Variants in UNC80 observed in about 807,000 individuals in gnomAD.
UNC80 encodes protein unc-80 homolog.
UNC80 carries 164 observed loss-of-function variants against 384.6 expected under a neutral mutation model. The ratio of observed to expected loss-of-function variants is 0.43; its 90% CI spans 0.38 to 0.49. The LOEUF (loss-of-function observed/expected upper bound fraction) is 0.49. Ranked by LOEUF, UNC80 falls within the 20% of genes least tolerant of loss-of-function variation. UNC80 has a pLI of 0.00. For synonymous variants in UNC80, 1,486 were observed against 1,527.8 expected, an observed-to-expected ratio of 0.97 and a Z score of 0.64; for missense variants, 3,330 against 4,143.0, an observed-to-expected ratio of 0.80 and a Z score of 5.39.
intron 45 of UNC80, among the ~76,000 whole-genome samples, chr2:209,944,797 A>G (rs1048307382): frequency 1.2e-4 from 18 of 152,208 alleles, no homozygotes; most frequent in Admixed American, 3.9e-4. Context: ...GGAAGTTCAT[A>G]TATCGCTGTA....
rs927709128 is a variant in UNC80, at chr2:209,918,621, G to C, written c.5301G>C (p.Gln1767His). ...VPMFDPPWVP[Q>H]CSGSVQDPIN... ...TGTTTGACCCACCGTGGGTTCCTCAGTGCAGCGGGAGTGTCCAGGACCCCA... is the reference window on the plus strand; with the variant it reads ...TGTTTGACCCACCGTGGGTTCCTCACTGCAGCGGGAGTGTCCAGGACCCCA... The change falls in exon 33 of 65, where the codon CAG becomes CAC. Residue 1767 changes from glutamine to histidine, a missense_variant. Transcript: ENST00000673920. 6.4e-7 allele frequency: 1 copy of C among 1,551,874 alleles called. No individual in the cohort carries two copies.
In UNC80 at chr2:209,819,011, C is replaced by T; in HGVS notation, c.1712C>T (p.Thr571Ile). ...TTATTAGTGCGATCTCAGATCTCCA[C>T]CATCACAGTTGCGACCTTCAATACC... ...TVKEVRSQIS[T>I]ITVATFNTTL... Residue 571 changes from threonine (T) to isoleucine (I), a missense_variant, in exon 12 of 65, where the codon ACC (threonine) becomes ATC (isoleucine). Thr to Ile is a moderately conservative substitution (Grantham distance 89, BLOSUM62 -1). Coordinates refer to ENST00000673920, the MANE Select transcript of UNC80 (RefSeq NM_001371986.1). The T allele has an allele frequency of 6.4e-7, 1 of 1,551,610 alleles. No individual in the cohort carries two copies. The highest frequency in any genetic ancestry group is 1.4e-5 in the African/African-American group (1 of 73,146).
chr2:209,812,118 C>T (rs1370111516), intron 7 of UNC80, among the ~76,000 whole-genome samples: 3 of 152,218 alleles, frequency 2.0e-5, no homozygotes, highest in East Asian at 1.9e-4. Flanking sequence ...GGCGCTATCT[C>T]GGCTCACTGC....
At position 209,973,188 on chromosome 2, in the gene UNC80, C is replaced by T. The variant is rs1319644913; in HGVS notation, c.8505C>T (p.Ala2835=). 1.3e-6 allele frequency: 2 copies of T among 1,551,568 alleles called. No individual in the cohort carries two copies. The highest frequency in any genetic ancestry group is 4.9e-5 in the East Asian group (2 of 40,922). ...SKNFMLESSP[A]HCSTPGDAGK... is the part of the protein sequence containing the mutation. ...ACTTCATGTTAGAGAGCTCCCCAGC[C>T]CACTGCTCCACCCCTGGGGATGCGG... The change falls in exon 56 of 65, where the codon GCC becomes GCT. Residue 2835 remains alanine (A), a synonymous_variant. Transcript: ENST00000673920.
intron 26 of UNC80, among the ~76,000 whole-genome samples, chr2:209,891,057 T>C (rs2086279412): frequency 6.6e-6 from 1 of 152,176 alleles, no homozygotes; most frequent in African/African-American, 2.4e-5. Flanking sequence ...AAGTATTTTC[T>C]AGCATCCTAT....
chr2:209,855,459 T>TATAAA (rs892569756), intron 22 of UNC80, among the ~76,000 whole-genome samples: 4 of 152,058 alleles, frequency 2.6e-5, no homozygotes, highest in Non-Finnish European at 5.9e-5. Flanking sequence ...CCCAAGAACT[T>TATAAA]ATAAAATAAA....
intron 29 of UNC80, among the ~76,000 whole-genome samples, chr2:209,911,058 C>T (rs774015779): frequency 1.8e-4 from 28 of 152,078 alleles, no homozygotes; most frequent in Non-Finnish European, 4.0e-4. Context: ...ACTCACAGTT[C>T]CTCAAGGCTA....
At chr2:209,964,103 G>A (rs1163284182) in intron 51 of UNC80, among the ~76,000 whole-genome samples, 1 of 152,182 alleles carries the variant, frequency 6.6e-6, no homozygotes, top group African/African-American at 2.4e-5. Context: ...TTACCCTCTA[G>A]ATCCTTTCAA....
At chr2:209,973,689 C>T (rs2092939486) in intron 56 of UNC80, among the ~76,000 whole-genome samples, 1 of 152,182 alleles carries the variant, frequency 6.6e-6, no homozygotes, top group African/African-American at 2.4e-5. Context: ...AAGATCTAAA[C>T]TCAGTCTAGT....
chr2:209,827,843 A>T (rs2080655222), intron 14 of UNC80, among the ~76,000 whole-genome samples: 1 of 152,202 alleles, frequency 6.6e-6, no homozygotes, highest in African/African-American at 2.4e-5. Flanking sequence ...GATATTTGTC[A>T]AACTGCCCAG....
Position 209,793,146 on chromosome 2 carries a change from G to C in UNC80, c.799-574G>C, listed in dbSNP as rs1006472761. 1.4e-4 allele frequency among the ~76,000 whole-genome samples: 22 copies of C among 152,298 alleles called. No individual in the cohort carries two copies. In the East Asian group the frequency reaches 4.0e-3, roughly 28 times the overall value. On this transcript the variant is annotated intron_variant, in intron 6 of 64. Coordinates refer to ENST00000673920, the MANE Select transcript of UNC80 (RefSeq NM_001371986.1). ...AAAAATATCTCACATCACCTGGGCA[G>C]AATTACATTTATCAGCTAAATGTAA...
intron 45 of UNC80, among the ~76,000 whole-genome samples, chr2:209,944,517 C>A (rs879550500): frequency 1.3e-5 from 2 of 152,020 alleles, no homozygotes; most frequent in South Asian, 4.1e-4. Flanking sequence ...TTTCTATAAC[C>A]TCAGTGTGTA....
chr2:209,804,734 C>G (rs1189401525), intron 7 of UNC80, among the ~76,000 whole-genome samples: 1 of 150,122 alleles, frequency 6.7e-6, no homozygotes, highest in African/African-American at 2.4e-5. Context: ...ATCACACTCT[C>G]AACATTTAAT....
intron 7 of UNC80, 68 bp from the exon 8 acceptor site, chr2:209,813,512 G>C: frequency 1.4e-6 from 2 of 1,462,170 alleles, no homozygotes; most frequent in Non-Finnish European, 1.8e-6. Flanking sequence ...AGAGCTATAA[G>C]CCATGCTGTG....
chr2:209,930,016 T>C (rs2124964320), intron 37 of UNC80, 45 bp downstream of exon 37: 1 of 1,334,828 alleles, frequency 7.5e-7, no homozygotes, highest in East Asian at 2.6e-5. Context: ...GCTACAAGTG[T>C]GAACACTGTT....
rs554952082 is a variant in UNC80, at chr2:209,928,207, G to A, written c.5806+1221G>A. On this transcript the variant is annotated intron_variant, in intron 36 of 64. Transcript: ENST00000673920. ...AAAAATTAGCCAGGCGTGGTGGCAC[G>A]TGCCTGTAATCCCAGCTACTCATGA... 3.4e-4 allele frequency among the ~76,000 whole-genome samples: 52 copies of A among 152,076 alleles called. 1 individual carries two copies. In the South Asian group the frequency reaches 6.7e-3, roughly 19 times the overall value.
chr2:209,923,834 C>T (rs1156393359), intron 35 of UNC80, among the ~76,000 whole-genome samples: 1 of 152,036 alleles, frequency 6.6e-6, no homozygotes, highest in Non-Finnish European at 1.5e-5. Flanking sequence ...TTAAACATAA[C>T]AGTTGATTCA....
Position 209,913,316 on chromosome 2 carries a change from T to C in UNC80, c.4891-486T>C, listed in dbSNP as rs185788260. 6.6e-5 allele frequency among the ~76,000 whole-genome samples: 10 copies of C among 152,358 alleles called. No homozygotes were observed. In the East Asian group the frequency reaches 1.9e-3, roughly 29 times the overall value. ...TGTCAGAAATAATGGATAAAGGATT[T>C]TGTGGTTTAATCTGGGGCAATAACC... On this transcript the variant is annotated intron_variant, in intron 30 of 64. Coordinates refer to ENST00000673920, the MANE Select transcript of UNC80 (RefSeq NM_001371986.1).
chr2:209,771,940 T>C lies in UNC80; in HGVS notation c.-133T>C. 1.5e-6 allele frequency: 1 copy of C among 668,908 alleles called. No individual in the cohort carries two copies. Among genetic ancestry groups the C allele is most frequent in the Non-Finnish European group, 2.8e-6 (1 of 363,534 alleles). 41.4% of individuals were successfully genotyped at this position (668,908 alleles called of 1,614,324 possible). A position where few individuals can be genotyped will look rare whatever the true frequency, so the allele number is the denominator to read the frequency against. On this transcript the variant is annotated 5_prime_UTR_variant, in exon 1 of 65. Transcript: ENST00000673920. ...GGGGGGAGGGGAGAGGCACGGGGGA[T>C]CAGGGCGGAGAGAGCCGGCTCTGCC...
Sources: allele counts gnomAD v4.1 joint callset (sites outside exome capture counted in the v4.1 genomes callset), GRCh38; gene constraint gnomAD v4.1.1; transcripts MANE v1.5; gene names NCBI Gene and HGNC (gene_info 2026-07-23, HGNC 2026-07-21).